The following RNF19B variants were observed in gnomAD, a reference collection of about 807,000 sequenced individuals.
RNF19B encodes the protein E3 ubiquitin-protein ligase RNF19B.
A neutral mutation model predicts 65.5 loss-of-function variants in RNF19B; 23 were observed. That is an observed-to-expected ratio of 0.35 (90% CI 0.25 to 0.50). The LOEUF (loss-of-function observed/expected upper bound fraction) is 0.50, where lower values mean the gene tolerates loss of function less well. Ranked by LOEUF, RNF19B falls within the 20% of genes least tolerant of loss-of-function variation. The pLI, the probability that RNF19B is intolerant of heterozygous loss-of-function variation, is 0.98. For missense variants in RNF19B, 794 were observed against 980.0 expected, an observed-to-expected ratio of 0.81 and a Z score of 2.53; for synonymous variants, 372 against 379.6, an observed-to-expected ratio of 0.98 and a Z score of 0.23.
At chr1:32,941,539 C>T (rs1642231285) in intron 7 of RNF19B, among the ~76,000 whole-genome samples, 1 of 136,822 alleles carries the variant, frequency 7.3e-6, no homozygotes, top group South Asian at 2.4e-4. Flanking sequence ...GACTCCGTCT[C>T]AAAAAAATAA....
At chr1:32,953,349 T>C (rs1053740734) in intron 1 of RNF19B, among the ~76,000 whole-genome samples, 17 of 152,030 alleles carry the variant, frequency 1.1e-4, no homozygotes, top group Admixed American at 1.1e-3. Context: ...TCTATTCCAA[T>C]ACTCTCCCGC....
intron 1 of RNF19B, among the ~76,000 whole-genome samples, chr1:32,950,734 G>A (rs1414123762): frequency 6.6e-6 from 1 of 151,360 alleles, no homozygotes; most frequent in Admixed American, 6.6e-5. Flanking sequence ...ATGGGGTTTC[G>A]CCCCATTGCC....
the RNF19B span, among the ~76,000 whole-genome samples, chr1:32,929,616 G>T: frequency 6.6e-6 from 1 of 152,212 alleles, no homozygotes; most frequent in African/African-American, 2.4e-5. Context: ...AAAACGAGAA[G>T]ATTTATGATA....
intron 1 of RNF19B, among the ~76,000 whole-genome samples, chr1:32,963,324 C>T (rs1413890398): frequency 6.6e-6 from 1 of 152,184 alleles, no homozygotes; most frequent in Non-Finnish European, 1.5e-5. Flanking sequence ...TAAGTCTGTC[C>T]CTAGCCAAGT....
intron 1 of RNF19B, among the ~76,000 whole-genome samples, chr1:32,956,039 G>A (rs1020606146): frequency 6.6e-6 from 1 of 152,134 alleles, no homozygotes; most frequent in Non-Finnish European, 1.5e-5. Flanking sequence ...AGACCAGCCA[G>A]GGCAACATGG....
chr1:32,942,499 C>T (rs748691186), intron 6 of RNF19B, 40 bp from the exon 7 acceptor site: 7 of 1,556,524 alleles, frequency 4.5e-6, no homozygotes, highest in Non-Finnish European at 6.2e-6. Context: ...GACAGCAGAG[C>T]ATCAAAACAG....
intron 2 of RNF19B, 120 bp from the exon 3 acceptor site, chr1:32,948,483 C>A: frequency 1.9e-6 from 2 of 1,047,460 alleles, no homozygotes; most frequent in Non-Finnish European, 2.7e-6. Context: ...CTTCACTGAA[C>A]ACTCCAAATT....
chr1:32,952,464 C>A (rs1642530215), intron 1 of RNF19B, among the ~76,000 whole-genome samples: 2 of 143,290 alleles, frequency 1.4e-5, no homozygotes, highest in South Asian at 2.2e-4. Flanking sequence ...AAAAAACAGC[C>A]TGGCGTGGTG....
intron 7 of RNF19B, among the ~76,000 whole-genome samples, chr1:32,939,864 CAATTA>C (rs1255349095): frequency 6.6e-6 from 1 of 152,160 alleles, no homozygotes; most frequent in Non-Finnish European, 1.5e-5. Flanking sequence ...AGTCAGTCTC[CAATTA>C]TGTCTGTCTG....
chr1:32,964,019 C>G lies in RNF19B; in HGVS notation c.635+32G>C, dbSNP rs111562504. ...CCAGCCACGCCCCTCGGCTGCAGCC[C>G]GCCGCCACCCGCGCCACGCCCCCGC... On this transcript the variant is annotated intron_variant, in intron 1 of 8. Coordinates refer to ENST00000235150, the MANE Select transcript of RNF19B (RefSeq NM_001300826.2). The surrounding 1 kb of genome is among the most constrained non-coding windows in gnomAD (Gnocchi z 6.5). The G allele has an allele frequency of 1.2e-3, 1,684 of 1,410,106 alleles. 3 individuals carry two copies. Among genetic ancestry groups the G allele is most frequent in the Middle Eastern group, 6.6e-3 (35 of 5,318 alleles). The allele number at this position is 1,410,106 out of a possible 1,614,324, so 87.3% of individuals were successfully genotyped here. A position where few individuals can be genotyped will look rare whatever the true frequency, so the allele number is the denominator to read the frequency against.
Position 32,964,288 on chromosome 1 carries a change from C to A in RNF19B, c.398G>T (p.Arg133Leu). The change falls in exon 1 of 9, where the codon CGC becomes CTC. Residue 133 changes from arginine to leucine, a missense_variant. Physicochemically the swap from Arg to Leu is moderately radical, Grantham distance 102. Transcript: ENST00000235150. The surrounding 1 kb of genome is among the most constrained non-coding windows in gnomAD (Gnocchi z 6.5). ...LVRLPPERAPRLLSCPHRSCR... is the reference protein window; with the variant it reads ...LVRLPPERAPLLLSCPHRSCR... ...CGAGCGGTGCGGACAGCTGAGGAGG[C>A]GCGGGGCCCGCTCAGGCGGCAGCCG... 6.6e-7 allele frequency: 1 copy of A among 1,524,592 alleles called. No homozygotes were observed. The highest frequency in any genetic ancestry group is 2.6e-5 in the East Asian group (1 of 37,832). The allele number at this position is 1,524,592 out of a possible 1,614,324, so 94.4% of individuals were successfully genotyped here. A position where few individuals can be genotyped will look rare whatever the true frequency, so the allele number is the denominator to read the frequency against.
chr1:32,962,792 A>G (rs1642802632), intron 1 of RNF19B, among the ~76,000 whole-genome samples: 1 of 152,172 alleles, frequency 6.6e-6, no homozygotes, highest in Non-Finnish European at 1.5e-5. Flanking sequence ...GCCCAAGGTC[A>G]CAGAACAGGT....
At chr1:32,954,085 ATT>A (rs1296295532) in intron 1 of RNF19B, among the ~76,000 whole-genome samples, 3 of 149,984 alleles carry the variant, frequency 2.0e-5, no homozygotes, top group African/African-American at 7.4e-5. Context: ...CATTTTTTGT[ATT>A]TTTAGTAGAG....
chr1:32,937,428 G>C, intron 8 of RNF19B, 169 bp from the exon 9 acceptor site: 2 of 1,067,232 alleles, frequency 1.9e-6, no homozygotes, highest in East Asian at 2.6e-5. Context: ...AAATGAGATG[G>C]AGGCTGGACG....
At chr1:32,935,006 AT>A (rs1321886101), downstream of RNF19B, among the ~76,000 whole-genome samples, 2 of 148,892 alleles carry the variant, frequency 1.3e-5, no homozygotes, top group African/African-American at 5.0e-5. Context: ...TAATTTTTGT[AT>A]TTTTAGTAGA....
At chr1:32,959,583 C>T (rs1642721818) in intron 1 of RNF19B, among the ~76,000 whole-genome samples, 1 of 152,046 alleles carries the variant, frequency 6.6e-6, no homozygotes, top group Admixed American at 6.6e-5. Context: ...CGCCAATATC[C>T]ACCTGGATGA....
rs1472471673 is a variant in RNF19B, at chr1:32,964,809, T to C, written c.-124A>G. 1.0e-5 allele frequency: 10 copies of C among 968,226 alleles called. No homozygotes were observed. The highest frequency in any genetic ancestry group is 1.8e-5 in the African/African-American group (1 of 56,752). 60.0% of individuals were successfully genotyped at this position (968,226 alleles called of 1,614,324 possible). On this transcript the variant is annotated 5_prime_UTR_variant, in exon 1 of 9. Transcript: ENST00000235150. The surrounding 1 kb of genome is among the most constrained non-coding windows in gnomAD (Gnocchi z 6.5). Reference sequence around the variant, plus strand: ...ACCGCCTCAACCGCCCTCCCGGCGATAGAAGCCGAGCGGCAACGACGAAGT... The same window carrying C: ...ACCGCCTCAACCGCCCTCCCGGCGACAGAAGCCGAGCGGCAACGACGAAGT...
At chr1:32,958,096 G>A (rs180982885) in intron 1 of RNF19B, among the ~76,000 whole-genome samples, 5 of 152,246 alleles carry the variant, frequency 3.3e-5, no homozygotes, top group Non-Finnish European at 7.4e-5. Flanking sequence ...GGTTAAATAA[G>A]GACACTAACC....
At chr1:32,956,928 G>A (rs1016790085) in intron 1 of RNF19B, among the ~76,000 whole-genome samples, 3 of 152,034 alleles carry the variant, frequency 2.0e-5, no homozygotes, top group African/African-American at 7.2e-5. Context: ...ACAATGAACT[G>A]TACCCTTAAC....
Sources: gnomAD v4.1 joint callset for allele counts (sites outside exome capture counted in the v4.1 genomes callset) on GRCh38, gnomAD v4.1.1 for gene constraint, Gnocchi (gnomAD v3.1) non-coding constraint, MANE v1.5 for transcripts, NCBI Gene and HGNC (gene_info 2026-07-23, HGNC 2026-07-21) for gene names.